The following SORCS1 variants were observed in gnomAD, a reference collection of about 807,000 sequenced individuals.
SORCS1 encodes sortilin related VPS10 domain containing receptor 1, also known as VPS10 domain-containing receptor SorCS1.
In SORCS1, 60 loss-of-function variants were observed where a neutral mutation model predicts 146.1. The ratio of observed to expected loss-of-function variants is 0.41; its 90% CI spans 0.33 to 0.51. The LOEUF (loss-of-function observed/expected upper bound fraction) is 0.51, where lower values mean the gene tolerates loss of function less well. SORCS1 is among the 20% of genes least tolerant of loss of function. The pLI is 0.21. For missense variants in SORCS1, 1,352 were observed against 1,487.6 expected (o/e 0.91, Z 1.50); for synonymous variants, 637 against 584.0 (o/e 1.09, Z -1.31).
chr10:106,609,609 G>C (rs1159089938), intron 22 of SORCS1, among the ~76,000 whole-genome samples: 2 of 152,144 alleles, frequency 1.3e-5, no homozygotes, highest in East Asian at 3.9e-4. Context: ...GGTGACTAGG[G>C]AGCCTTGAAA....
chr10:106,784,465 T>C (rs1180128608), intron 3 of SORCS1, among the ~76,000 whole-genome samples: 1 of 152,164 alleles, frequency 6.6e-6, no homozygotes, highest in Non-Finnish European at 1.5e-5. Context: ...AGAATGTTTT[T>C]ATTATTGCAG....
At chr10:106,686,857 T>C (rs368993597) in intron 10 of SORCS1, among the ~76,000 whole-genome samples, 2 of 152,140 alleles carry the variant, frequency 1.3e-5, no homozygotes, top group African/African-American at 2.4e-5. Context: ...AAAGTGACTG[T>C]CCAGACTTTA....
chr10:106,896,696 C>T (rs751524849), intron 2 of SORCS1, among the ~76,000 whole-genome samples: 14 of 151,148 alleles, frequency 9.3e-5, no homozygotes, highest in Non-Finnish European at 1.9e-4. Flanking sequence ...AACTTTGACA[C>T]ACTAGATCCA....
At chr10:107,071,179 C>T (rs920836080) in intron 1 of SORCS1, among the ~76,000 whole-genome samples, 2 of 151,698 alleles carry the variant, frequency 1.3e-5, no homozygotes, top group African/African-American at 2.4e-5. Context: ...GGTTGTCCTC[C>T]GCAGCACCAG....
intron 1 of SORCS1, among the ~76,000 whole-genome samples, chr10:107,097,074 G>A (rs756927507): frequency 2.0e-5 from 3 of 152,094 alleles, no homozygotes; most frequent in South Asian, 2.1e-4. Flanking sequence ...AGAAACACAC[G>A]CATTCACTTT....
At chr10:106,761,735 C>A in intron 4 of SORCS1, 74 bp from the exon 5 acceptor site, 1 of 1,235,942 alleles carries the variant, frequency 8.1e-7, no homozygotes, top group South Asian at 1.2e-5. Flanking sequence ...TTCATTGGAT[C>A]AATAGTAATA....
chr10:106,911,887 T>A (rs539785482), intron 2 of SORCS1, among the ~76,000 whole-genome samples: 1 of 151,908 alleles, frequency 6.6e-6, no homozygotes, highest in Non-Finnish European at 1.5e-5. Flanking sequence ...CTGAGGTGGG[T>A]GGATCACGAG....
rs879471423 is a variant in SORCS1 at position 106,574,857 on chromosome 10, C to G, written c.*2563G>C. The G allele has an allele frequency of 6.6e-6, 1 of 152,594 alleles. No individual in the cohort carries two copies. Among genetic ancestry groups the G allele is most frequent in the Non-Finnish European group, 1.5e-5 (1 of 68,028 alleles). 9.5% of individuals were successfully genotyped at this position (152,594 alleles called of 1,614,324 possible). A position where few individuals can be genotyped will look rare whatever the true frequency, so the allele number is the denominator to read the frequency against. On this transcript the variant is annotated 3_prime_UTR_variant, in exon 26 of 26. Transcript: ENST00000263054. ...GATCCTGGAGATGCTGAATCTCTAG[C>G]TGGCCATCTTTGGTCACTTCCCAAA...
intron 13 of SORCS1, 27 bp from the exon 14 acceptor site, chr10:106,675,183 C>A: frequency 6.6e-7 from 1 of 1,526,104 alleles, no homozygotes; most frequent in Non-Finnish European, 9.1e-7. Flanking sequence ...TATCAGTCAT[C>A]AGATCTCCAA....
At chr10:107,114,563 T>C (rs1434341993) in intron 1 of SORCS1, among the ~76,000 whole-genome samples, 1 of 152,110 alleles carries the variant, frequency 6.6e-6, no homozygotes, top group East Asian at 1.9e-4. Context: ...CAACAATCAC[T>C]ATAAAAACTC....
At chr10:106,578,612 A>C (rs2133187406) in intron 25 of SORCS1, 1 of 978,772 alleles carries the variant, frequency 1.0e-6, no homozygotes, top group African/African-American at 1.8e-5. Context: ...GGCCACTCTC[A>C]TTATGTCACT....
Position 107,163,883 on chromosome 10 carries a change from T to TC in SORCS1, c.558+85dup, listed in dbSNP as rs1969893605. The stretch of plus-strand genomic sequence containing the variant: ...ATCTCCCATGTCCAGAAACCCTATT[T>TC]CCCCCCAATTCTCCATCAGATCACA... On this transcript the variant is annotated intron_variant, in intron 1 of 25. Transcript: ENST00000263054. The TC allele has an allele frequency of 8.4e-6, 12 of 1,435,852 alleles. No individual in the cohort carries two copies. In the Admixed American group the frequency reaches 1.8e-4, roughly 22 times the overall value. The allele number at this position is 1,435,852 out of a possible 1,614,324, so 88.9% of individuals were successfully genotyped here.
chr10:107,090,429 G>T (rs935095342), intron 1 of SORCS1, among the ~76,000 whole-genome samples: 1 of 152,186 alleles, frequency 6.6e-6, no homozygotes, highest in African/African-American at 2.4e-5. Context: ...GTTTGGACTT[G>T]TAATTCAGGT....
At chr10:107,056,868 C>T (rs1238986735) in intron 1 of SORCS1, among the ~76,000 whole-genome samples, 1 of 152,148 alleles carries the variant, frequency 6.6e-6, no homozygotes, top group Non-Finnish European at 1.5e-5. Flanking sequence ...ACCAATAGGC[C>T]AGGTAATGGA....
intron 10 of SORCS1, among the ~76,000 whole-genome samples, chr10:106,686,073 T>C (rs891551090): frequency 4.6e-5 from 7 of 152,164 alleles, no homozygotes; most frequent in Admixed American, 1.3e-4. Context: ...AAAATCGGTA[T>C]GTAAGTATAT....
chr10:106,912,639 T>C (rs1482271658), intron 2 of SORCS1, among the ~76,000 whole-genome samples: 1 of 152,152 alleles, frequency 6.6e-6, no homozygotes, highest in East Asian at 1.9e-4. Context: ...TTCTACCCCA[T>C]GCATCCTTGG....
At chr10:107,165,175 T>C (rs1472290163), upstream of SORCS1, among the ~76,000 whole-genome samples, 1 of 152,180 alleles carries the variant, frequency 6.6e-6, no homozygotes, top group Non-Finnish European at 1.5e-5. The surrounding 1 kb of genome is among the most constrained non-coding windows in gnomAD (Gnocchi z 4.0). Flanking sequence ...CCCTCTCTTA[T>C]GCTTCCTGAG....
intron 1 of SORCS1, among the ~76,000 whole-genome samples, chr10:107,026,619 A>G (rs560457555): frequency 9.9e-5 from 15 of 152,176 alleles, no homozygotes; most frequent in Admixed American, 7.2e-4. Flanking sequence ...TGCCATCAAA[A>G]AAAAAAAAAA....
intron 23 of SORCS1, among the ~76,000 whole-genome samples, chr10:106,605,609 A>G (rs931532117): frequency 1.3e-5 from 2 of 152,162 alleles, no homozygotes; most frequent in Non-Finnish European, 2.9e-5. Flanking sequence ...GAAATAATCT[A>G]TTCTTTCTCC....
Sources: allele counts gnomAD v4.1 joint callset (sites outside exome capture counted in the v4.1 genomes callset), GRCh38; gene constraint gnomAD v4.1.1; non-coding constraint Gnocchi (gnomAD v3.1); transcripts MANE v1.5; gene names NCBI Gene and HGNC (gene_info 2026-07-23, HGNC 2026-07-21).